The following PDHX variants were observed in gnomAD, a reference collection of about 807,000 sequenced individuals.
PDHX encodes the protein pyruvate dehydrogenase complex component X.
In PDHX, 33 loss-of-function variants were observed where a neutral mutation model predicts 55.3. The ratio of observed to expected loss-of-function variants is 0.60; its 90% confidence interval spans 0.45 to 0.80. The LOEUF (loss-of-function observed/expected upper bound fraction) is 0.80, where lower values mean the gene tolerates loss of function less well. PDHX is among the 30% of genes least tolerant of loss of function. The pLI, the probability that PDHX is intolerant of heterozygous loss-of-function variation, is 0.00. For missense variants in PDHX, 622 were observed against 619.9 expected, an observed-to-expected ratio of 1.00 and a Z score of -0.04; for synonymous variants, 226 against 219.4, an observed-to-expected ratio of 1.03 and a Z score of -0.27.
At position 34,959,621 on chromosome 11, in the gene PDHX, G is replaced by A. The variant is rs894267745; in HGVS notation, c.543-799G>A. On this transcript the variant is annotated intron_variant, in intron 4 of 10. Coordinates refer to ENST00000227868, the MANE Select transcript of PDHX (RefSeq NM_003477.3). ...TGCAAAATAACTGAAAGCAAAGACT[G>A]GAAAGAGATATTTGTACATCTATGT... Among the ~76,000 whole-genome samples, 9 of 151,760 alleles carry A rather than the reference G, an allele frequency of 5.9e-5. 1 individual carries two copies. The South Asian group carries it at 1.0e-3, about 18-fold the overall frequency.
chr11:34,951,294 C>T (rs945261566), intron 3 of PDHX, among the ~76,000 whole-genome samples: 7 of 151,736 alleles, frequency 4.6e-5, no homozygotes, highest in Admixed American at 1.3e-4. Flanking sequence ...CTCCTGACCT[C>T]ATGATCCACC....
At chr11:34,918,175 C>G (rs1192631425) in intron 1 of PDHX, among the ~76,000 whole-genome samples, 1 of 151,906 alleles carries the variant, frequency 6.6e-6, no homozygotes, top group Admixed American at 6.6e-5. Flanking sequence ...TAGTGGCTCA[C>G]GCCTGTAATC....
intron 6 of PDHX, among the ~76,000 whole-genome samples, chr11:34,967,076 T>G (rs889898770): frequency 3.9e-5 from 6 of 152,124 alleles, no homozygotes; most frequent in African/African-American, 9.7e-5. Flanking sequence ...GGTCTCAAAC[T>G]CCTGACTTCA....
chr11:34,994,667 T>C (rs1301154390), intron 10 of PDHX, among the ~76,000 whole-genome samples: 1 of 152,240 alleles, frequency 6.6e-6, no homozygotes, highest in African/African-American at 2.4e-5. Context: ...TGGATTGTTA[T>C]ATTGACCTTT....
intron 2 of PDHX, among the ~76,000 whole-genome samples, chr11:34,938,804 T>G (rs1470687356): frequency 6.6e-6 from 1 of 152,248 alleles, no homozygotes; most frequent in Non-Finnish European, 1.5e-5. Flanking sequence ...CTGTTCTTTT[T>G]TCCTTTTGAT....
chr11:34,939,397 A>G (rs1346514799), intron 2 of PDHX, among the ~76,000 whole-genome samples: 3 of 152,244 alleles, frequency 2.0e-5, no homozygotes, highest in Admixed American at 2.0e-4. Context: ...TTCAATGGAC[A>G]GCAGTTCAGT....
chr11:34,930,653 C>T (rs192834880), intron 1 of PDHX, among the ~76,000 whole-genome samples: 35 of 152,212 alleles, frequency 2.3e-4, no homozygotes, highest in East Asian at 3.9e-4. Flanking sequence ...TAACCCTGGA[C>T]GGTGGATTGG....
intron 9 of PDHX, among the ~76,000 whole-genome samples, chr11:34,988,686 A>G (rs1855701532): frequency 6.6e-6 from 1 of 152,240 alleles, no homozygotes; most frequent in Non-Finnish European, 1.5e-5. Flanking sequence ...GTAGAAGAAA[A>G]GGAGTACAAT....
At chr11:34,937,414 G>A (rs1277061013) in intron 2 of PDHX, among the ~76,000 whole-genome samples, 1 of 150,988 alleles carries the variant, frequency 6.6e-6, no homozygotes, top group Non-Finnish European at 1.5e-5. Context: ...GCACCACTAG[G>A]GCTGAGCTGG....
At chr11:34,971,456 T>G (rs1015767708) in intron 7 of PDHX, among the ~76,000 whole-genome samples, 1 of 152,160 alleles carries the variant, frequency 6.6e-6, no homozygotes, top group African/African-American at 2.4e-5. Context: ...ATTTTCAGGT[T>G]GAAAGAATTT....
At chr11:34,949,391 C>A (rs1854700788) in intron 3 of PDHX, among the ~76,000 whole-genome samples, 1 of 152,142 alleles carries the variant, frequency 6.6e-6, no homozygotes, top group African/African-American at 2.4e-5. Flanking sequence ...AGGCATGTGC[C>A]ACCACACTCA....
At chr11:34,922,076 T>C (rs547789149) in intron 1 of PDHX, among the ~76,000 whole-genome samples, 1 of 152,194 alleles carries the variant, frequency 6.6e-6, no homozygotes, top group Non-Finnish European at 1.5e-5. Context: ...TGGATGTCTT[T>C]TTTGCAGAAC....
At chr11:34,970,459 G>T (rs1478147662) in intron 7 of PDHX, among the ~76,000 whole-genome samples, 173 bp downstream of exon 7, 1 of 152,074 alleles carries the variant, frequency 6.6e-6, no homozygotes, top group East Asian at 1.9e-4. Context: ...AATTAGCAAT[G>T]GTTTCCTTGA....
intron 7 of PDHX, among the ~76,000 whole-genome samples, chr11:34,970,731 G>A (rs994997498): frequency 5.3e-5 from 8 of 152,168 alleles, no homozygotes; most frequent in African/African-American, 1.7e-4. Context: ...GAAGCTCAAA[G>A]GAAGTCCTCA....
intron 9 of PDHX, among the ~76,000 whole-genome samples, chr11:34,985,607 A>T (rs1469360962): frequency 3.3e-5 from 5 of 152,230 alleles, no homozygotes. Context: ...CAGCCTCAGT[A>T]ATTTCCAAGG....
intron 1 of PDHX, among the ~76,000 whole-genome samples, chr11:34,929,252 C>G (rs901260229): frequency 2.0e-5 from 3 of 152,086 alleles, no homozygotes; most frequent in African/African-American, 7.2e-5. Context: ...TTTTGTTTTT[C>G]TCAGGCAGAG....
intron 3 of PDHX, 111 bp from the exon 4 acceptor site, chr11:34,957,273 T>C (rs1854922994): frequency 6.2e-6 from 5 of 805,256 alleles, no homozygotes; most frequent in Non-Finnish European, 1.1e-5. Flanking sequence ...GGAAGCAGCT[T>C]TTAGCTCAAA....
rs76973915 is a variant in PDHX, at chr11:34,955,708, A to G, written c.343-1676A>G. On this transcript the variant is annotated intron_variant, in intron 3 of 10. Coordinates refer to ENST00000227868, the MANE Select transcript of PDHX (RefSeq NM_003477.3). ...GTAGAGTATATATGGAATCATTTATATGATTTACAGTAAATGAAACAGAAG... is the reference window on the plus strand; with the variant it reads ...GTAGAGTATATATGGAATCATTTATGTGATTTACAGTAAATGAAACAGAAG... Among the ~76,000 whole-genome samples the G allele has an allele frequency of 5.0e-3, 754 of 152,300 alleles. 3 individuals carry two copies. The highest frequency in any genetic ancestry group is 0.017 in the African/African-American group (721 of 41,570).
chr11:34,920,964 G>A (rs1045838997), intron 1 of PDHX, among the ~76,000 whole-genome samples: 1 of 152,178 alleles, frequency 6.6e-6, no homozygotes, highest in Non-Finnish European at 1.5e-5. Flanking sequence ...TGACAGCAGT[G>A]CTATAACCAG....
Sources: gnomAD v4.1 joint callset for allele counts (sites outside exome capture counted in the v4.1 genomes callset) on GRCh38, gnomAD v4.1.1 for gene constraint, MANE v1.5 for transcripts, NCBI Gene and HGNC (gene_info 2026-07-23, HGNC 2026-07-21) for gene names.